Variants in REPS1 observed in about 807,000 individuals in gnomAD.
REPS1 encodes RALBP1 associated Eps domain containing 1.
REPS1 carries 39 observed loss-of-function variants against 100.9 expected under a neutral mutation model. The ratio of observed to expected loss-of-function variants is 0.39; its 90% CI spans 0.30 to 0.50. The LOEUF is 0.50. Among genes scored for constraint, REPS1 ranks in the 20% least tolerant of loss-of-function variants. The pLI is 0.86. For missense variants in REPS1, 821 were observed against 968.5 expected (o/e 0.85, Z 2.02); for synonymous variants, 324 against 340.3 (o/e 0.95, Z 0.53).
chr6:138,940,803 A>T (rs771718092), intron 8 of REPS1, among the ~76,000 whole-genome samples: 7 of 152,044 alleles, frequency 4.6e-5, no homozygotes, highest in Admixed American at 6.6e-5. Flanking sequence ...GGTCCCAATA[A>T]ATATGAACAT....
Position 138,943,980 on chromosome 6 carries a change from T to C in REPS1, c.789A>G (p.Thr263=), listed in dbSNP as rs1175143271. The stretch of plus-strand genomic sequence containing the variant: ...ATTGCCTACGAATTTCAATGGCAGT[T>C]GTAGCTGATGCTACAGTTCGTACTG... ...QTTVRTVASA[T]TAIEIRRQSS... is the part of the protein sequence containing the mutation. Residue 263 remains threonine (T), a synonymous_variant, in exon 6 of 20, where the codon ACA becomes ACG. Coordinates refer to ENST00000450536, the MANE Select transcript of REPS1 (RefSeq NM_001286611.2). The C allele has an allele frequency of 6.2e-7, 1 of 1,613,854 alleles. No homozygotes were observed. Among genetic ancestry groups the C allele is most frequent in the East Asian group, 2.2e-5 (1 of 44,846 alleles).
At chr6:138,968,442 T>C (rs998425046) in intron 1 of REPS1, among the ~76,000 whole-genome samples, 4 of 152,212 alleles carry the variant, frequency 2.6e-5, no homozygotes, top group Admixed American at 6.5e-5. Context: ...TGCCCAAGGA[T>C]ATTGACTAGA....
rs772467597 is a variant in REPS1 at position 138,905,018 on chromosome 6, C to T, written c.*46G>A. 1 of 1,597,126 alleles carries T rather than the reference C, an allele frequency of 6.3e-7. No homozygotes were observed. The highest frequency in any genetic ancestry group is 8.6e-7 in the Non-Finnish European group (1 of 1,165,866). ...TAGGTCTCCAAATTGGCTTTGAACC[C>T]AAAACCACTTAAAAACAAGTATGTT... On this transcript the variant is annotated 3_prime_UTR_variant, in exon 20 of 20. Coordinates refer to ENST00000450536, the MANE Select transcript of REPS1 (RefSeq NM_001286611.2).
At chr6:138,956,236 C>G (rs1474526410) in intron 1 of REPS1, among the ~76,000 whole-genome samples, 1 of 151,958 alleles carries the variant, frequency 6.6e-6, no homozygotes, top group Non-Finnish European at 1.5e-5. Flanking sequence ...AGTTAGCTGA[C>G]AGAAAATTTC....
chr6:138,921,058 C>T lies in REPS1; in HGVS notation c.1405G>A (p.Glu469Lys). The change falls in exon 11 of 20, where the codon GAA becomes AAA. Residue 469 changes from glutamate to lysine, a missense_variant. Glu to Lys is a moderately conservative substitution (Grantham distance 56). Coordinates refer to ENST00000450536, the MANE Select transcript of REPS1 (RefSeq NM_001286611.2). ...TTACCGCTGCCAGTTCTTTTAAGTT[C>T]CATTTCCTGCATGTGGATTTTGCTT... The part of the protein sequence containing the change: ...TPSKIHMQEM[E>K]LKRTGSDHTN... 6.2e-7 allele frequency: 1 copy of T among 1,612,936 alleles called. No individual in the cohort carries two copies. The highest frequency in any genetic ancestry group is 8.5e-7 in the Non-Finnish European group (1 of 1,179,288).
chr6:138,947,035 GCT>G (rs10581264), intron 2 of REPS1, among the ~76,000 whole-genome samples: 3,186 of 137,614 alleles, frequency 0.023, 57 homozygotes, highest in South Asian at 0.058. Context: ...ATTCCCCCTT[GCT>G]CTCTCTCTCT....
Position 138,962,012 on chromosome 6 carries a change from T to C in REPS1, c.154-14099A>G, listed in dbSNP as rs186356357. Among the ~76,000 whole-genome samples, 10 of 152,306 alleles carry C rather than the reference T, an allele frequency of 6.6e-5. No individual in the cohort carries two copies. In the East Asian group the frequency reaches 1.9e-3, roughly 29 times the overall value. Reference sequence around the variant, plus strand: ...ACACCATGAAGAGATTTTTCTAAAGTTGGATACACGGAATTTTCTATAATA... The same window carrying C: ...ACACCATGAAGAGATTTTTCTAAAGCTGGATACACGGAATTTTCTATAATA... On this transcript the variant is annotated intron_variant, in intron 1 of 19. Transcript: ENST00000450536.
rs147782366 is a variant in REPS1 at position 138,945,300 on chromosome 6, G to A, written c.547C>T (p.Arg183Cys). The A allele has an allele frequency of 5.6e-6, 9 of 1,612,038 alleles. No homozygotes were observed. In the African/African-American group the frequency reaches 8.0e-5, roughly 14 times the overall value. ...TCACTATTCCCACCGCTGGGATGAC[G>A]GCTGTGCTTCCTCCATGTGTGTGGA... ...TSPHTWRKHS[R>C]HPSGGNSERP... The change falls in exon 4 of 20, where the codon CGT becomes TGT. Residue 183 changes from arginine to cysteine, a missense_variant. Around this residue, in one of 3 missense-constraint regions of REPS1, gnomAD observed 757 missense variants for 866.4 expected, o/e 0.87. Transcript: ENST00000450536.
intron 1 of REPS1, among the ~76,000 whole-genome samples, chr6:138,977,141 C>CT (rs1441178896): frequency 2.0e-5 from 3 of 152,182 alleles, no homozygotes; most frequent in Non-Finnish European, 4.4e-5. Context: ...GAAAATTATA[C>CT]AGTGTATAGA....
At chr6:138,955,893 G>A (rs1783355210) in intron 1 of REPS1, among the ~76,000 whole-genome samples, 1 of 152,036 alleles carries the variant, frequency 6.6e-6, no homozygotes. Context: ...ATTCAATGAG[G>A]CTGTATTCAA....
chr6:138,946,739 C>A (rs181267336), intron 2 of REPS1, among the ~76,000 whole-genome samples: 11 of 152,236 alleles, frequency 7.2e-5, no homozygotes, highest in African/African-American at 2.4e-4. Context: ...CTTAATTTTT[C>A]TCTTTCCCCT....
intron 1 of REPS1, among the ~76,000 whole-genome samples, chr6:138,985,047 T>C (rs151091709): frequency 1.3e-3 from 205 of 152,346 alleles, no homozygotes; most frequent in African/African-American, 4.7e-3. Context: ...TGGGTCTCCA[T>C]TGCTTGCTGA....
At position 138,904,560 on chromosome 6, in the gene REPS1, T is replaced by C. The variant is rs903016309; in HGVS notation, c.*504A>G. ...AATGTACCACATGATTTGTGAAGAA[T>C]GTAGACGGCTGCAGAGAGTAAATTA... On this transcript the variant is annotated 3_prime_UTR_variant, in exon 20 of 20. Transcript: ENST00000450536. 1 of 152,296 alleles carries C rather than the reference T, an allele frequency of 6.6e-6. No homozygotes were observed. Among genetic ancestry groups the C allele is most frequent in the African/African-American group, 2.4e-5 (1 of 41,468 alleles). The allele number at this position is 152,296 out of a possible 1,614,324, so 9.4% of individuals were successfully genotyped here. A position where few individuals can be genotyped will look rare whatever the true frequency, so the allele number is the denominator to read the frequency against.
chr6:138,942,935 A>G (rs1177945501), intron 7 of REPS1, among the ~76,000 whole-genome samples: 2 of 152,012 alleles, frequency 1.3e-5, no homozygotes, highest in Non-Finnish European at 2.9e-5. Context: ...TTCTGTAGAG[A>G]CAGGGTTTCA....
chr6:138,912,939 A>G lies in REPS1; in HGVS notation c.1797T>C (p.Pro599=). The G allele has an allele frequency of 6.2e-7, 1 of 1,613,228 alleles. No homozygotes were observed. Among genetic ancestry groups the G allele is most frequent in the Non-Finnish European group, 8.5e-7 (1 of 1,179,412 alleles). Reference sequence around the variant, plus strand: ...CGGCATCCACTGGGCGATGCACAGCAGGACCAGGAGCCTGTGCAATGGTTC... The same window carrying G: ...CGGCATCCACTGGGCGATGCACAGCGGGACCAGGAGCCTGTGCAATGGTTC... ...PRPQPSQAPG[P]AVHRPVDADG... Residue 599 remains proline (P), a synonymous_variant, in exon 16 of 20, where the codon CCT becomes CCC. Coordinates refer to ENST00000450536, the MANE Select transcript of REPS1 (RefSeq NM_001286611.2).
intron 1 of REPS1, among the ~76,000 whole-genome samples, chr6:138,959,605 A>G (rs1398768970): frequency 4.6e-5 from 7 of 152,146 alleles, no homozygotes; most frequent in African/African-American, 1.7e-4. Context: ...TGGGCATGCT[A>G]TGTTTTTTGG....
chr6:138,953,667 AGGCT>A (rs535709271), intron 1 of REPS1, among the ~76,000 whole-genome samples: 161 of 132,954 alleles, frequency 1.2e-3, no homozygotes, highest in African/African-American at 5.0e-3. Flanking sequence ...CACCCCAGGG[AGGCT>A]GGCTATTATC....
At chr6:138,934,976 G>A (rs1411676004) in intron 8 of REPS1, among the ~76,000 whole-genome samples, 1 of 152,116 alleles carries the variant, frequency 6.6e-6, no homozygotes, top group Non-Finnish European at 1.5e-5. Context: ...TAAAAGACAG[G>A]CATAAGCAAC....
In REPS1 at chr6:138,912,791, C is replaced by A; in HGVS notation, c.1945G>T (p.Ala649Ser). The A allele has an allele frequency of 6.2e-7, 1 of 1,614,214 alleles. No individual in the cohort carries two copies. Among genetic ancestry groups the A allele is most frequent in the Non-Finnish European group, 8.5e-7 (1 of 1,180,036 alleles). ...GGCAGGACTTCTGGATGTTTCTCGG[C>A]TTCATCATCTTGTTCGTCGTTTACA... ...SNVNDEQDDE[A>S]EKHPEVLPAE... The change falls in exon 16 of 20, where the codon GCC becomes TCC. Residue 649 changes from alanine to serine, a missense_variant. Coordinates refer to ENST00000450536, the MANE Select transcript of REPS1 (RefSeq NM_001286611.2).
Sources: allele counts gnomAD v4.1 joint callset (sites outside exome capture counted in the v4.1 genomes callset), GRCh38; gene constraint gnomAD v4.1.1; regional missense constraint gnomAD v4.1.1; transcripts MANE v1.5; gene names NCBI Gene and HGNC (gene_info 2026-07-23, HGNC 2026-07-21).